Variants in MIR17HG observed in about 807,000 individuals in gnomAD.
MIR17HG encodes MIR17 host gene (non-protein coding).
chr13:91,348,111 G>A (rs1393693957), intron 1 of MIR17HG, among the ~76,000 whole-genome samples: 12 of 144,932 alleles, frequency 8.3e-5, no homozygotes, highest in African/African-American at 3.0e-4. Flanking sequence ...TGGCCGCCCC[G>A]GCGTGTGGCA....
chr13:91,354,160 A>G (rs1402932439), exon 4 of MIR17HG: 2 of 152,256 alleles, frequency 1.3e-5, no homozygotes, highest in Non-Finnish European at 2.9e-5. Context: ...GGAGAGCTCA[A>G]TCTGCACAGA....
intron 1 of MIR17HG, among the ~76,000 whole-genome samples, chr13:91,348,176 C>T (rs1183509064): frequency 1.3e-3 from 9 of 6,744 alleles, no homozygotes; most frequent in South Asian, 3.7e-3. Context: ...GGGGCAGGGC[C>T]GGGGCGGGAG....
At chr13:91,351,193 A>G (rs1875297180) in intron 3 of MIR17HG, 1 of 527,090 alleles carries the variant, frequency 1.9e-6, no homozygotes, top group African/African-American at 1.9e-5. Flanking sequence ...GTTACTGAAC[A>G]CTGTTCTATG....
At chr13:91,352,493 A>T (rs946978070) in intron 3 of MIR17HG, 2 of 152,234 alleles carry the variant, frequency 1.3e-5, no homozygotes, top group African/African-American at 4.8e-5. Context: ...ATAAACTTCC[A>T]TAACACTAGG....
chr13:91,349,500 T>A (rs189521673), intron 1 of MIR17HG, among the ~76,000 whole-genome samples: 90 of 152,304 alleles, frequency 5.9e-4, no homozygotes, highest in Non-Finnish European at 8.8e-4. Flanking sequence ...TTTTCAACTT[T>A]ATTCTCTTAC....
At chr13:91,348,866 C>CGGGCCGCGTGCGACGG (rs1875112811) in intron 1 of MIR17HG, among the ~76,000 whole-genome samples, 1 of 148,896 alleles carries the variant, frequency 6.7e-6, no homozygotes, top group South Asian at 2.1e-4. Context: ...GCTTAGGCCT[C>CGGGCCGCGTGCGACGG]GGGCCGCGTG....
At chr13:91,349,588 A>G (rs926146414) in intron 1 of MIR17HG, 2 of 152,242 alleles carry the variant, frequency 1.3e-5, no homozygotes, top group Admixed American at 1.3e-4. Flanking sequence ...AATGGATGGA[A>G]TTAATTGCTG....
intron 3 of MIR17HG, among the ~76,000 whole-genome samples, chr13:91,352,934 C>A (rs368699857): frequency 2.0e-5 from 3 of 151,556 alleles, no homozygotes; most frequent in Non-Finnish European, 4.4e-5. Flanking sequence ...CATGGTGAAA[C>A]GCTGTCTCTA....
intron 1 of MIR17HG, chr13:91,349,604 A>T (rs1325955082): frequency 1.3e-5 from 2 of 152,170 alleles, no homozygotes; most frequent in Non-Finnish European, 2.9e-5. Context: ...TGCTGTTAGG[A>T]GGTTGGAAAA....
chr13:91,353,602 T>G (rs1213650037), intron 3 of MIR17HG, among the ~76,000 whole-genome samples: 1 of 152,194 alleles, frequency 6.6e-6, no homozygotes, highest in South Asian at 2.1e-4. Flanking sequence ...ATTTAGCCAT[T>G]TTGAAATTCA....
At chr13:91,348,633 G>C (rs1287109293) in intron 1 of MIR17HG, among the ~76,000 whole-genome samples, 1 of 150,930 alleles carries the variant, frequency 6.6e-6, no homozygotes, top group Admixed American at 6.6e-5. Flanking sequence ...CTCGGGGCGG[G>C]GCCCGCAACT....
chr13:91,348,927 G>A (rs1345629798), intron 1 of MIR17HG, among the ~76,000 whole-genome samples: 4 of 149,292 alleles, frequency 2.7e-5, no homozygotes, highest in Non-Finnish European at 6.0e-5. Flanking sequence ...CGGGCTCGGG[G>A]GGGCTGGGGG....
chr13:91,347,801 G>T (rs959504484), upstream of MIR17HG: 1 of 151,506 alleles, frequency 6.6e-6, no homozygotes, highest in East Asian at 2.0e-4. Context: ...CAGCGCCGCC[G>T]GGGCTCGCGC....
intron 1 of MIR17HG, among the ~76,000 whole-genome samples, chr13:91,349,029 G>A (rs948693930): frequency 6.6e-5 from 10 of 151,324 alleles, no homozygotes; most frequent in Non-Finnish European, 8.9e-5. Flanking sequence ...AAACGGGTTG[G>A]GGGGGTTGCC....
chr13:91,348,707 C>A (rs1280379223), intron 1 of MIR17HG, among the ~76,000 whole-genome samples: 3 of 150,590 alleles, frequency 2.0e-5, no homozygotes, highest in Non-Finnish European at 4.4e-5. Context: ...GCCGCCTGCG[C>A]CCGGCCGCTT....
At chr13:91,348,813 G>C (rs1436220795) in intron 1 of MIR17HG, among the ~76,000 whole-genome samples, 1 of 149,882 alleles carries the variant, frequency 6.7e-6, no homozygotes, top group Admixed American at 6.6e-5. Flanking sequence ...GGGTGAGGGC[G>C]GGGGACATGG....
chr13:91,350,054 C>T (rs973065472), intron 2 of MIR17HG: 10 of 154,152 alleles, frequency 6.5e-5, no homozygotes, highest in African/African-American at 1.7e-4. Context: ...TAGATATAAC[C>T]TGAGATGATA....
chr13:91,354,024 G>GGA (rs1875453289), exon 4 of MIR17HG: 3 of 152,598 alleles, frequency 2.0e-5, no homozygotes, highest in Non-Finnish European at 4.4e-5. Context: ...GCAACTTCCT[G>GGA]GAGAACAACT....
intron 1 of MIR17HG, chr13:91,349,603 G>A (rs1293651392): frequency 6.6e-6 from 1 of 152,212 alleles, no homozygotes; most frequent in Non-Finnish European, 1.5e-5. Flanking sequence ...TTGCTGTTAG[G>A]AGGTTGGAAA....
Sources: gnomAD v4.1 joint callset for allele counts (sites outside exome capture counted in the v4.1 genomes callset) on GRCh38, gnomAD v4.1.1 for gene constraint, MANE v1.5 for transcripts, NCBI Gene and HGNC (gene_info 2026-07-23, HGNC 2026-07-21) for gene names.